AFF1: variants seen among roughly 807,000 people sequenced by gnomAD.
AFF1 encodes AF4/FMR2 family member 1.
Under a neutral mutation model 121.7 loss-of-function variants are expected in AFF1, and 48 were observed. That is an observed-to-expected ratio of 0.39 (90% CI 0.31 to 0.50). The LOEUF is 0.50. AFF1 is among the 20% of genes least tolerant of loss of function. The pLI is 0.76. For synonymous variants in AFF1, 613 were observed against 563.0 expected, an observed-to-expected ratio of 1.09 and a Z score of -1.26; for missense variants, 1,523 against 1,511.7, an observed-to-expected ratio of 1.01 and a Z score of -0.12.
intron 2 of AFF1, among the ~76,000 whole-genome samples, chr4:86,992,738 G>A (rs1297818190): frequency 6.6e-6 from 1 of 152,150 alleles, no homozygotes; most frequent in Non-Finnish European, 1.5e-5. Context: ...AAACTCTGTT[G>A]CTATAACTTC....
In AFF1 at chr4:86,983,720, C is replaced by G. The variant is rs567281781; in HGVS notation, c.38+35149C>G. Among the ~76,000 whole-genome samples the G allele has an allele frequency of 2.3e-4, 27 of 118,310 alleles. No homozygotes were observed. The East Asian group carries it at 6.9e-3, about 30-fold the overall frequency. 77.6% of individuals were successfully genotyped at this position (118,310 alleles called of 152,430 possible). A position where few individuals can be genotyped will look rare whatever the true frequency, so the allele number is the denominator to read the frequency against. ...CAAGACTCTGTCTCAAATGAAAAAC[C>G]AAAAAAAAAAACAAAAAACAAATAA... On this transcript the variant is annotated intron_variant, in intron 2 of 20. Coordinates refer to ENST00000395146, the MANE Select transcript of AFF1 (RefSeq NM_001166693.3).
chr4:87,097,074 ATCT>A (rs1724949023), intron 8 of AFF1, among the ~76,000 whole-genome samples: 2 of 152,288 alleles, frequency 1.3e-5, no homozygotes, highest in East Asian at 3.9e-4. Flanking sequence ...AAGCTCTGTA[ATCT>A]CCCCAGGGTT....
chr4:87,126,530 G>A (rs1728267297), intron 14 of AFF1, among the ~76,000 whole-genome samples, 194 bp downstream of exon 14: 2 of 152,256 alleles, frequency 1.3e-5, no homozygotes, highest in African/African-American at 2.4e-5. Context: ...TTTAGGTGTC[G>A]ATTTATTCTT....
At chr4:86,949,610 C>A (rs1470806527) in intron 2 of AFF1, 3 of 1,385,238 alleles carry the variant, frequency 2.2e-6, no homozygotes, top group Non-Finnish European at 3.0e-6. Context: ...GTGGGCCCCA[C>A]TCCTCCCCCA....
rs150115118 is a variant in AFF1 at position 87,108,311 on chromosome 4, C to T, written c.1529C>T (p.Pro510Leu). The T allele has an allele frequency of 1.7e-5, 28 of 1,612,706 alleles. No individual in the cohort carries two copies. Among genetic ancestry groups the T allele is most frequent in the Admixed American group, 1.2e-4 (7 of 59,996 alleles). The stretch of plus-strand genomic sequence containing the variant: ...AATGAGCCCCTAGAAACCCCAGCTC[C>T]GGAGGTACCGTGTTCCCCCTCGAGA... ...EENEPLETPAPEPEPPTTNKW... is the reference protein window; with the variant it reads ...EENEPLETPALEPEPPTTNKW... Residue 510 changes from proline to leucine, a missense_variant, in exon 11 of 21, where the codon CCG becomes CTG. By Grantham distance (98) the Pro-to-Leu change is moderately conservative. Transcript: ENST00000395146.
intron 4 of AFF1, among the ~76,000 whole-genome samples, chr4:87,052,673 A>G (rs1259277118): frequency 6.6e-6 from 1 of 151,760 alleles, no homozygotes; most frequent in African/African-American, 2.4e-5. Flanking sequence ...CTGGGTGGGA[A>G]ATGGATGAGA....
intron 2 of AFF1, chr4:87,007,327 TG>T: frequency 6.2e-7 from 1 of 1,604,472 alleles, no homozygotes; most frequent in Non-Finnish European, 8.5e-7. Context: ...CTCCGCCAAA[TG>T]GTGAGCGCGG....
At chr4:87,031,448 T>C (rs572927518) in intron 2 of AFF1, among the ~76,000 whole-genome samples, 19 of 152,154 alleles carry the variant, frequency 1.2e-4, no homozygotes, top group Admixed American at 5.2e-4. Flanking sequence ...TGTTTTTTTT[T>C]TTTTCTTTTG....
At chr4:87,115,367 GAT>G in intron 12 of AFF1, 68 bp downstream of exon 12, 2 of 1,421,108 alleles carry the variant, frequency 1.4e-6, no homozygotes, top group Non-Finnish European at 1.9e-6. Flanking sequence ...CGGTATCTTT[GAT>G]CGGCCTTTGA....
chr4:87,127,600 T>A, intron 15 of AFF1, 43 bp from the exon 16 acceptor site: 1 of 1,603,928 alleles, frequency 6.2e-7, no homozygotes, highest in Non-Finnish European at 8.5e-7. Flanking sequence ...GTCTAGTAAT[T>A]TTTGGCTCAT....
intron 8 of AFF1, among the ~76,000 whole-genome samples, chr4:87,100,148 G>A (rs1725274489): frequency 2.0e-5 from 3 of 152,000 alleles, no homozygotes; most frequent in South Asian, 2.1e-4. Flanking sequence ...TAATTTAAAC[G>A]TAGATTGAAA....
intron 2 of AFF1, among the ~76,000 whole-genome samples, chr4:87,014,237 A>C (rs1380125866): frequency 4.6e-5 from 7 of 152,134 alleles, no homozygotes; most frequent in Non-Finnish European, 1.0e-4. Context: ...ACTTTTTTCC[A>C]TGCGTTGTGG....
At chr4:86,984,056 AAAG>A (rs779293327) in intron 2 of AFF1, among the ~76,000 whole-genome samples, 3 of 152,150 alleles carry the variant, frequency 2.0e-5, no homozygotes, top group East Asian at 1.9e-4. Flanking sequence ...GAAAAAGAAA[AAAG>A]AAATGCTTTG....
intron 4 of AFF1, among the ~76,000 whole-genome samples, chr4:87,062,543 C>CA (rs1467901133): frequency 6.6e-6 from 1 of 151,926 alleles, no homozygotes; most frequent in Non-Finnish European, 1.5e-5. Flanking sequence ...GTTTTTTTTC[C>CA]AAAAGAGTTT....
intron 2 of AFF1, among the ~76,000 whole-genome samples, chr4:87,030,310 C>T (rs1051038031): frequency 2.0e-5 from 3 of 152,276 alleles, no homozygotes; most frequent in African/African-American, 4.8e-5. Context: ...ATAAACAATA[C>T]GTAAGCAGAT....
Position 87,134,570 on chromosome 4 carries a change from T to A in AFF1, c.3411T>A (p.Ala1137=), listed in dbSNP as rs1037897010. Residue 1137 remains alanine (A), a synonymous_variant, in exon 20 of 21, where the codon GCT becomes GCA. Transcript: ENST00000395146. ...SAGSVGSSGV[A]ATISTPVTIQ... ...GCAGTGTGGGGAGCAGTGGGGTGGC[T>A]GCCACTATCAGCACCCCAGTCACCA... The A allele has an allele frequency of 3.1e-6, 5 of 1,614,022 alleles. No individual in the cohort carries two copies. The highest frequency in any genetic ancestry group is 4.2e-6 in the Non-Finnish European group (5 of 1,180,028).
intron 2 of AFF1, among the ~76,000 whole-genome samples, chr4:87,016,939 C>T (rs1193643075): frequency 2.0e-5 from 3 of 152,086 alleles, no homozygotes; most frequent in African/African-American, 7.2e-5. Flanking sequence ...TACCATGTAT[C>T]AGTGGTTCTA....
chr4:87,070,489 G>T (rs986312684), intron 4 of AFF1, among the ~76,000 whole-genome samples: 1 of 152,216 alleles, frequency 6.6e-6, no homozygotes, highest in African/African-American at 2.4e-5. Context: ...CTTAGCAAAT[G>T]TTTATGGCTT....
At chr4:87,040,722 A>G (rs1730050102) in intron 2 of AFF1, among the ~76,000 whole-genome samples, 1 of 151,728 alleles carries the variant, frequency 6.6e-6, no homozygotes, top group Non-Finnish European at 1.5e-5. Context: ...GGCGCCTGCC[A>G]CCACACCCAG....
Sources: allele counts gnomAD v4.1 joint callset (sites outside exome capture counted in the v4.1 genomes callset), GRCh38; gene constraint gnomAD v4.1.1; transcripts MANE v1.5; gene names NCBI Gene and HGNC (gene_info 2026-07-23, HGNC 2026-07-21).